Variants in MKLN1 observed in about 807,000 individuals in gnomAD.
MKLN1 encodes muskelin 1.
Under a neutral mutation model 99.0 loss-of-function variants are expected in MKLN1, and 18 were observed. That is an observed-to-expected ratio of 0.18 (90% CI 0.13 to 0.27). The LOEUF is 0.27. Among genes scored for constraint, MKLN1 ranks in the 10% least tolerant of loss-of-function variants. MKLN1 has a pLI of 1.00. For synonymous variants in MKLN1, 288 were observed against 293.2 expected, an observed-to-expected ratio of 0.98 and a Z score of 0.18; for missense variants, 621 against 875.9, an observed-to-expected ratio of 0.71 and a Z score of 3.67.
chr7:131,443,792 A>C (rs1408726679), intron 11 of MKLN1, 90 bp downstream of exon 11: 1 of 988,576 alleles, frequency 1.0e-6, no homozygotes, highest in African/African-American at 1.6e-5. Flanking sequence ...CTTTAGGAAG[A>C]GATTAGTGTA....
At chr7:131,111,927 G>T (rs1795208967) in intron 1 of MKLN1, among the ~76,000 whole-genome samples, 2 of 152,210 alleles carry the variant, frequency 1.3e-5, no homozygotes. Context: ...TGACTACAAG[G>T]CTACACTACA....
At chr7:131,189,997 A>G (rs1209026270) in intron 2 of MKLN1, among the ~76,000 whole-genome samples, 2 of 152,202 alleles carry the variant, frequency 1.3e-5, no homozygotes, top group Non-Finnish European at 2.9e-5. Context: ...ACAAGGTTAA[A>G]TGTAATGAAG....
chr7:131,230,700 T>A (rs541743085), intron 3 of MKLN1, among the ~76,000 whole-genome samples: 1 of 152,256 alleles, frequency 6.6e-6, no homozygotes, highest in South Asian at 2.1e-4. Flanking sequence ...CCCTGCAGGG[T>A]CAATTTCAAT....
chr7:131,270,168 C>T (rs969539313), intron 3 of MKLN1, among the ~76,000 whole-genome samples: 10 of 151,782 alleles, frequency 6.6e-5, no homozygotes, highest in Non-Finnish European at 1.0e-4. Context: ...ATGATCCACC[C>T]GCCTCGGCCT....
At chr7:131,242,119 G>A (rs1162244382) in intron 3 of MKLN1, among the ~76,000 whole-genome samples, 2 of 152,318 alleles carry the variant, frequency 1.3e-5, no homozygotes, top group East Asian at 3.9e-4. Flanking sequence ...CAAATCTGCT[G>A]GTAATGGAAA....
rs531524990 is a variant in MKLN1 at position 131,202,379 on chromosome 7, T to C, written c.-296-478T>C. ...ATCTGCCAGCCTCGGCCTCTCAATATGCTGGGATTACAGGCTTGAGCCACC... is the reference window on the plus strand; with the variant it reads ...ATCTGCCAGCCTCGGCCTCTCAATACGCTGGGATTACAGGCTTGAGCCACC... On this transcript the variant is annotated intron_variant, in intron 2 of 7. Coordinates refer to the MKLN1 transcript ENST00000416992. 2.6e-5 allele frequency among the ~76,000 whole-genome samples: 4 copies of C among 152,166 alleles called. 1 individual carries two copies. The highest frequency in any genetic ancestry group is 2.6e-4 in the Admixed American group (4 of 15,280).
At position 131,140,865 on chromosome 7, in the gene MKLN1, C is replaced by T. The variant is rs149295087; in HGVS notation, c.-418-1955C>T. Among the ~76,000 whole-genome samples, 674 of 152,062 alleles carry T rather than the reference C, an allele frequency of 4.4e-3. 8 individuals are homozygous for T. The highest frequency in any genetic ancestry group is 0.016 in the African/African-American group (653 of 41,458). On this transcript the variant is annotated intron_variant, in intron 1 of 7. Coordinates refer to the MKLN1 transcript ENST00000416992. ...CACGATCTTGGCTCACTGCAATCTC[C>T]GCCTCCCAGGTTCAAGCAATTCTTC...
At chr7:131,461,824 A>G (rs1796522252) in intron 12 of MKLN1, among the ~76,000 whole-genome samples, 1 of 152,222 alleles carries the variant, frequency 6.6e-6, no homozygotes, top group South Asian at 2.1e-4. Flanking sequence ...TATGCACTTT[A>G]TGTATATGAA....
intron 3 of MKLN1, among the ~76,000 whole-genome samples, chr7:131,262,834 C>T (rs1225769820): frequency 1.3e-5 from 2 of 152,108 alleles, no homozygotes; most frequent in Non-Finnish European, 2.9e-5. Context: ...GCATGAGCCA[C>T]CACCCCCAGC....
At chr7:131,244,170 T>C (rs957924748) in intron 3 of MKLN1, among the ~76,000 whole-genome samples, 1 of 152,198 alleles carries the variant, frequency 6.6e-6, no homozygotes, top group African/African-American at 2.4e-5. Context: ...TGACCATTAA[T>C]GCCTATTGAG....
chr7:131,484,132 A>G (rs556749094), intron 17 of MKLN1, among the ~76,000 whole-genome samples: 1 of 152,312 alleles, frequency 6.6e-6, no homozygotes, highest in South Asian at 2.1e-4. Context: ...ATACATAATT[A>G]TTCATAATAG....
chr7:131,387,153 G>A lies in MKLN1; in HGVS notation c.202G>A (p.Val68Ile). 6.2e-7 allele frequency: 1 copy of A among 1,611,576 alleles called. No homozygotes were observed. Among genetic ancestry groups the A allele is most frequent in the Non-Finnish European group, 8.5e-7 (1 of 1,178,860 alleles). Reference protein sequence around the residue: ...LILKLERPAIVQNITFGKYEK... With the variant: ...LILKLERPAIIQNITFGKYEK... The stretch of plus-strand genomic sequence containing the variant: ...TCTAAAGCTCGAAAGGCCTGCTATA[G>A]TTCAGAATATCACATTTGGAAAATA... Residue 68 changes from valine to isoleucine, a missense_variant, in exon 3 of 18, where the codon GTT becomes ATT. Val to Ile is a conservative substitution (Grantham distance 29). Around this residue, in one of 8 missense-constraint regions of MKLN1, gnomAD observed 27 missense variants for 19.7 expected, o/e 1.37. Coordinates refer to ENST00000352689, the MANE Select transcript of MKLN1 (RefSeq NM_013255.5).
chr7:131,427,703 G>C (rs532763913), intron 8 of MKLN1, among the ~76,000 whole-genome samples: 3 of 152,008 alleles, frequency 2.0e-5, no homozygotes, highest in Non-Finnish European at 2.9e-5. Context: ...ACAGGTGCCC[G>C]TCACCACACC....
intron 3 of MKLN1, among the ~76,000 whole-genome samples, chr7:131,262,836 A>T (rs941582806): frequency 2.0e-5 from 3 of 151,296 alleles, no homozygotes; most frequent in Non-Finnish European, 2.9e-5. Flanking sequence ...ATGAGCCACC[A>T]CCCCCAGCCT....
chr7:131,133,819 GGTTTTT>G (rs1483008449), intron 1 of MKLN1, among the ~76,000 whole-genome samples: 3,576 of 67,036 alleles, frequency 0.053, 421 homozygotes, highest in Admixed American at 0.13. Flanking sequence ...TTTTTAATTT[GGTTTTT>G]TTTTTTTTTT....
At chr7:131,323,196 A>G (rs186501526), upstream of MKLN1, among the ~76,000 whole-genome samples, 13 of 152,198 alleles carry the variant, frequency 8.5e-5, no homozygotes, top group Admixed American at 8.5e-4. Flanking sequence ...AAATGTGTAC[A>G]TTGTGAAATT....
At chr7:131,469,502 T>C (rs1216550649) in intron 15 of MKLN1, among the ~76,000 whole-genome samples, 1 of 152,186 alleles carries the variant, frequency 6.6e-6, no homozygotes, top group African/African-American at 2.4e-5. Flanking sequence ...AGTAACATGG[T>C]CTTTACCTAA....
chr7:131,379,653 A>G (rs545266605), intron 2 of MKLN1, among the ~76,000 whole-genome samples: 4 of 152,218 alleles, frequency 2.6e-5, no homozygotes, highest in African/African-American at 7.2e-5. Context: ...TGATAGCACA[A>G]TAGGCTGACT....
At chr7:131,140,821 C>G (rs966082779) in intron 1 of MKLN1, among the ~76,000 whole-genome samples, 1 of 151,910 alleles carries the variant, frequency 6.6e-6, no homozygotes, top group African/African-American at 2.4e-5. Flanking sequence ...GCTTTGTCGC[C>G]CAGGCTGGAG....
Sources: allele counts gnomAD v4.1 joint callset (sites outside exome capture counted in the v4.1 genomes callset), GRCh38; gene constraint gnomAD v4.1.1; regional missense constraint gnomAD v4.1.1; transcripts MANE v1.5; gene names NCBI Gene and HGNC (gene_info 2026-07-23, HGNC 2026-07-21).